AKR1C1: variants seen among roughly 807,000 people sequenced by gnomAD.
AKR1C1 encodes 20 alpha-hydroxysteroid dehydrogenase.
A neutral mutation model predicts 40.6 loss-of-function variants in AKR1C1; 32 were observed. That is an observed-to-expected ratio of 0.79 (90% CI 0.60 to 1.06). The LOEUF is 1.06. AKR1C1 is among the 50% of genes least tolerant of loss of function. The pLI is 0.00. For missense variants in AKR1C1, 320 were observed against 363.5 expected (o/e 0.88, Z 0.97); for synonymous variants, 105 against 134.2 (o/e 0.78, Z 1.50).
chr10:4,971,992 A>C (rs1382631838), intron 5 of AKR1C1, among the ~76,000 whole-genome samples: 2 of 150,282 alleles, frequency 1.3e-5, no homozygotes, highest in African/African-American at 5.0e-5. Flanking sequence ...GATAGGGTTC[A>C]TGGAGTTGCT....
intron 1 of AKR1C1, among the ~76,000 whole-genome samples, chr10:4,964,616 T>G (rs545867614): frequency 6.6e-6 from 1 of 152,208 alleles, no homozygotes; most frequent in South Asian, 2.1e-4. Context: ...AAGATATACT[T>G]TCAAATCTGT....
At chr10:4,972,876 T>C (rs1836461168) in intron 7 of AKR1C1, 127 bp downstream of exon 7, 1 of 1,442,314 alleles carries the variant, frequency 6.9e-7, no homozygotes, top group Admixed American at 2.6e-5. Context: ...ATGAACTCTT[T>C]GTGTACGTCA....
chr10:4,978,525 C>G lies in AKR1C1; in HGVS notation c.*783C>G, dbSNP rs1412177189. On this transcript the variant is annotated 3_prime_UTR_variant, in exon 9 of 9. Transcript: ENST00000380872. ...GATGTGTGCCCATTCACAACGTTGACCCTATTGGTTTGTGGTGGGGCAGGG... is the reference window on the plus strand; with the variant it reads ...GATGTGTGCCCATTCACAACGTTGAGCCTATTGGTTTGTGGTGGGGCAGGG... 1 of 152,046 alleles carries G rather than the reference C, an allele frequency of 6.6e-6. No homozygotes were observed. The highest frequency in any genetic ancestry group is 1.5e-5 in the Non-Finnish European group (1 of 68,024). The allele number at this position is 152,046 out of a possible 1,614,324, so 9.4% of individuals were successfully genotyped here. A position where few individuals can be genotyped will look rare whatever the true frequency, so the allele number is the denominator to read the frequency against.
intron 7 of AKR1C1, among the ~76,000 whole-genome samples, 195 bp downstream of exon 7, chr10:4,972,944 G>A (rs1836462719): frequency 6.6e-6 from 1 of 152,260 alleles, no homozygotes; most frequent in African/African-American, 2.4e-5. Context: ...GAAATAGGAT[G>A]GGATCAAAAC....
intron 2 of AKR1C1, among the ~76,000 whole-genome samples, chr10:4,966,386 C>T (rs947744936): frequency 1.3e-5 from 2 of 152,166 alleles, no homozygotes; most frequent in African/African-American, 4.8e-5. Flanking sequence ...TTTCTTACCT[C>T]CTGGGTGAGT....
chr10:4,964,020 T>C, intron 1 of AKR1C1: 1 of 616,214 alleles, frequency 1.6e-6, no homozygotes, highest in Admixed American at 2.8e-5. Flanking sequence ...TTCTCACCTC[T>C]GGGAAAATTA....
At chr10:4,965,268 T>C (rs1312036264) in intron 1 of AKR1C1, among the ~76,000 whole-genome samples, 2 of 152,242 alleles carry the variant, frequency 1.3e-5, no homozygotes, top group East Asian at 3.9e-4. Context: ...TTTTGTTTGT[T>C]TGGTTTTTGT....
Position 4,978,986 on chromosome 10 carries a change from A to C in AKR1C1, c.*1244A>C, listed in dbSNP as rs571223202. Reference sequence around the variant, plus strand: ...GGATAATCTCATGCCTTAATGATCAAAGCATTATGAGAAGGACAGTGGTTT... The same window carrying C: ...GGATAATCTCATGCCTTAATGATCACAGCATTATGAGAAGGACAGTGGTTT... On this transcript the variant is annotated 3_prime_UTR_variant, in exon 9 of 9. Coordinates refer to ENST00000380872, the MANE Select transcript of AKR1C1 (RefSeq NM_001353.6). 3 of 152,220 alleles carry C rather than the reference A, an allele frequency of 2.0e-5. No homozygotes were observed. The highest frequency in any genetic ancestry group is 4.4e-5 in the Non-Finnish European group (3 of 68,044). The allele number at this position is 152,220 out of a possible 1,614,324, so 9.4% of individuals were successfully genotyped here. A position where few individuals can be genotyped will look rare whatever the true frequency, so the allele number is the denominator to read the frequency against.
intron 6 of AKR1C1, 137 bp downstream of exon 6, chr10:4,972,447 G>T: frequency 7.1e-7 from 1 of 1,401,478 alleles, no homozygotes; most frequent in Admixed American, 2.2e-5. Flanking sequence ...GAGATCCCAG[G>T]TGATGTTGAG....
At chr10:4,967,472 G>A (rs1588559289) in intron 3 of AKR1C1, 1 of 989,856 alleles carries the variant, frequency 1.0e-6, no homozygotes, top group Non-Finnish European at 1.2e-6. Context: ...GTCCGGGAGT[G>A]TCTTAAACTA....
intron 6 of AKR1C1, 80 bp from the exon 7 acceptor site, chr10:4,972,504 C>T (rs1463294724): frequency 1.6e-5 from 26 of 1,608,662 alleles, no homozygotes; most frequent in East Asian, 1.3e-4. Flanking sequence ...GCAGAGTGGA[C>T]GCCTTAGTCT....
chr10:4,968,180 C>A (rs1470225886), intron 3 of AKR1C1, 129 bp from the exon 4 acceptor site: 4 of 1,216,462 alleles, frequency 3.3e-6, no homozygotes, highest in East Asian at 2.4e-5. Flanking sequence ...ACACTCTGTA[C>A]ATACCACTCT....
At chr10:4,974,763 C>T (rs1554770283) in intron 7 of AKR1C1, among the ~76,000 whole-genome samples, 1 of 152,064 alleles carries the variant, frequency 6.6e-6, no homozygotes, top group Admixed American at 6.5e-5. Context: ...CTTCCATCTT[C>T]AGTTAACTTA....
Position 4,979,834 on chromosome 10 carries a change from TTC to T in AKR1C1, c.*2097_*2098del, listed in dbSNP as rs1836589838. 2 of 151,442 alleles carry T rather than the reference TTC, an allele frequency of 1.3e-5. No homozygotes were observed. Among genetic ancestry groups the T allele is most frequent in the Admixed American group, 6.6e-5 (1 of 15,188 alleles). The allele number at this position is 151,442 out of a possible 1,614,324, so 9.4% of individuals were successfully genotyped here. On this transcript the variant is annotated 3_prime_UTR_variant, in exon 9 of 9. Transcript: ENST00000380872. ...CTCCAATCACTAATTTTCCTATTTTTTCTCTCAAAGAAATGCTGAAGGGAGGA... is the reference window on the plus strand; with the variant it reads ...CTCCAATCACTAATTTTCCTATTTTTTCTCAAAGAAATGCTGAAGGGAGGA...
chr10:4,976,475 C>T (rs1423841216), intron 8 of AKR1C1, among the ~76,000 whole-genome samples: 1 of 152,114 alleles, frequency 6.6e-6, no homozygotes, highest in Admixed American at 6.5e-5. Context: ...CATGTTTGCC[C>T]ATGAGCCAAA....
At chr10:4,967,687 A>G (rs2023630) in intron 3 of AKR1C1, 7,630 of 585,020 alleles carry the variant, frequency 0.013, 33 homozygotes, top group Non-Finnish European at 0.015. Flanking sequence ...TTTGATAAAA[A>G]CTCTAAAAAT....
intron 7 of AKR1C1, among the ~76,000 whole-genome samples, chr10:4,974,114 T>A (rs1384619400): frequency 6.6e-6 from 1 of 151,482 alleles, no homozygotes; most frequent in Non-Finnish European, 1.5e-5. Flanking sequence ...GTAATGGCAT[T>A]TACTATATTA....
At position 4,981,868 on chromosome 10, in the gene AKR1C1, C is replaced by T. The variant is rs1836622460; in HGVS notation, c.*4126C>T. ...GACCGGGAGGGATGTGGCCTGAAAG[C>T]CATGGTTATTATCTCAGCGTGTAAG... On this transcript the variant is annotated 3_prime_UTR_variant, in exon 9 of 9. Coordinates refer to ENST00000380872, the MANE Select transcript of AKR1C1 (RefSeq NM_001353.6). 1 of 152,216 alleles carries T rather than the reference C, an allele frequency of 6.6e-6. No homozygotes were observed. Among genetic ancestry groups the T allele is most frequent in the Non-Finnish European group, 1.5e-5 (1 of 68,074 alleles). The allele number at this position is 152,216 out of a possible 1,614,324, so 9.4% of individuals were successfully genotyped here. A position where few individuals can be genotyped will look rare whatever the true frequency, so the allele number is the denominator to read the frequency against.
At position 4,979,814 on chromosome 10, in the gene AKR1C1, A is replaced by G. The variant is rs1411552263; in HGVS notation, c.*2072A>G. 6.6e-6 allele frequency: 1 copy of G among 151,624 alleles called. No homozygotes were observed. The highest frequency in any genetic ancestry group is 6.6e-5 in the Admixed American group (1 of 15,214). 9.4% of individuals were successfully genotyped at this position (151,624 alleles called of 1,614,324 possible). On this transcript the variant is annotated 3_prime_UTR_variant, in exon 9 of 9. Transcript: ENST00000380872. ...TAAGAAAATTTTATAGGGACCTCCA[A>G]TCACTAATTTTCCTATTTTTTCTCT...
Sources: gnomAD v4.1 joint callset for allele counts (sites outside exome capture counted in the v4.1 genomes callset) on GRCh38, gnomAD v4.1.1 for gene constraint, MANE v1.5 for transcripts, NCBI Gene and HGNC (gene_info 2026-07-23, HGNC 2026-07-21) for gene names.